AKAP5: variants seen among roughly 807,000 people sequenced by gnomAD.
AKAP5 encodes A-kinase anchor protein 5.
A neutral mutation model predicts 13.8 loss-of-function variants in AKAP5; 5 were observed. That is an observed-to-expected ratio of 0.36 (90% confidence interval 0.19 to 0.76). The LOEUF is 0.76. AKAP5 is among the 30% of genes least tolerant of loss of function. AKAP5 has a pLI of 0.51. For missense variants in AKAP5, 406 were observed against 484.4 expected, an observed-to-expected ratio of 0.84 and a Z score of 1.52; for synonymous variants, 148 against 167.2, an observed-to-expected ratio of 0.89 and a Z score of 0.89.
Position 64,471,246 on chromosome 14 carries a change from G to A in AKAP5, c.*1568G>A, listed in dbSNP as rs576130896. The A allele has an allele frequency of 6.5e-6, 1 of 153,638 alleles. No individual in the cohort carries two copies. The highest frequency in any genetic ancestry group is 2.1e-4 in the South Asian group (1 of 4,748). The allele number at this position is 153,638 out of a possible 1,614,324, so 9.5% of individuals were successfully genotyped here. ...TGGCTCACTGCAAGCTCCACCTCCT[G>A]GGTTCACACCATTCTTCTGCCTCAG... On this transcript the variant is annotated 3_prime_UTR_variant, in exon 2 of 2. Transcript: ENST00000394718.
At position 64,469,528 on chromosome 14, in the gene AKAP5, T is replaced by C; in HGVS notation, c.1134T>C (p.Asn378=). The C allele has an allele frequency of 6.2e-7, 1 of 1,613,926 alleles. No homozygotes were observed. Among genetic ancestry groups the C allele is most frequent in the Non-Finnish European group, 8.5e-7 (1 of 1,179,988 alleles). The change falls in exon 2 of 2, where the codon AAT becomes AAC. Residue 378 remains asparagine (N), a synonymous_variant. Coordinates refer to ENST00000394718, the MANE Select transcript of AKAP5 (RefSeq NM_004857.3). The part of the protein sequence containing the change: ...NEQVGVFAND[N]GFEDRTSEQY... ...AAGTAGGGGTTTTTGCTAATGATAA[T>C]GGTTTTGAGGATAGAACTTCAGAAC... is the stretch of plus-strand genomic sequence containing the variant.
chr14:64,468,658 C>T lies in AKAP5; in HGVS notation c.264C>T (p.Arg88=), dbSNP rs781706034. The change falls in exon 2 of 2, where the codon CGC becomes CGT. Residue 88 remains arginine (R), a synonymous_variant. Transcript: ENST00000394718. ...CCTCACTCAAACGTCTTGTAACACG[C>T]AGGAAAAGGTCAGAGTCTTCAAAGC... ...AWASLKRLVT[R]RKRSESSKQQ... 1.2e-6 allele frequency: 2 copies of T among 1,613,938 alleles called. No homozygotes were observed. Among genetic ancestry groups the T allele is most frequent in the Non-Finnish European group, 8.5e-7 (1 of 1,180,038 alleles).
rs1369026273 is a variant in AKAP5, at chr14:64,469,145, G to C, written c.751G>C (p.Glu251Gln). 6.2e-7 allele frequency: 1 copy of C among 1,614,140 alleles called. No homozygotes were observed. Among genetic ancestry groups the C allele is most frequent in the South Asian group, 1.1e-5 (1 of 91,078 alleles). The change falls in exon 2 of 2, where the codon GAA becomes CAA. Residue 251 changes from glutamate to glutamine, a missense_variant. By Grantham distance (29) the Glu-to-Gln change is conservative. Transcript: ENST00000394718. ...TCAACCCCAGCAAGCAAGCCCACTTGAAACTTCAGAAACAGACCATCAGCA... is the reference window on the plus strand; with the variant it reads ...TCAACCCCAGCAAGCAAGCCCACTTCAAACTTCAGAAACAGACCATCAGCA... ...DVQPQQASPL[E>Q]TSETDHQQPV...
At chr14:64,466,183 A>T (rs1365677844) in intron 1 of AKAP5, among the ~76,000 whole-genome samples, 1 of 152,214 alleles carries the variant, frequency 6.6e-6, no homozygotes, top group Non-Finnish European at 1.5e-5. Flanking sequence ...TCAGGAAATG[A>T]GCACAGGGAC....
At chr14:64,466,269 G>A (rs975281474) in intron 1 of AKAP5, among the ~76,000 whole-genome samples, 3 of 152,228 alleles carry the variant, frequency 2.0e-5, no homozygotes, top group African/African-American at 7.2e-5. Context: ...ATTCTGCAAA[G>A]TTTTATTGTC....
intron 1 of AKAP5, chr14:64,467,055 T>G (rs2141002202): frequency 6.6e-6 from 1 of 152,344 alleles, no homozygotes; most frequent in African/African-American, 2.4e-5. Context: ...CGTGGTTCAA[T>G]TATGAGTTGA....
At chr14:64,465,770 T>C (rs955192443) in intron 1 of AKAP5, among the ~76,000 whole-genome samples, 157 bp downstream of exon 1, 27 of 152,146 alleles carry the variant, frequency 1.8e-4, no homozygotes, top group Non-Finnish European at 3.8e-4. Context: ...GCTTGTCCGC[T>C]GGAATCCGCG....
At chr14:64,465,750 G>A (rs2078606336) in intron 1 of AKAP5, 137 bp downstream of exon 1, 2 of 152,204 alleles carry the variant, frequency 1.3e-5, no homozygotes, top group South Asian at 4.1e-4. Context: ...GAGTAAGAAC[G>A]CGGGAGGTCG....
At chr14:64,467,785 C>T (rs2078626492) in intron 1 of AKAP5, 1 of 152,102 alleles carries the variant, frequency 6.6e-6, no homozygotes, top group Admixed American at 6.6e-5. Context: ...AAGATTACAT[C>T]AGCTTGCTTT....
chr14:64,469,221 T>C lies in AKAP5; in HGVS notation c.827T>C (p.Ile276Thr), dbSNP rs373671857. The C allele has an allele frequency of 1.9e-6, 3 of 1,614,016 alleles. No individual in the cohort carries two copies. Among genetic ancestry groups the C allele is most frequent in the Non-Finnish European group, 2.5e-6 (3 of 1,180,010 alleles). ...PPLPAIPDQQIVEEASNSTLE... is the reference protein window; with the variant it reads ...PPLPAIPDQQTVEEASNSTLE... ...TTACCTGCAATTCCAGATCAACAAA[T>C]TGTGGAAGAAGCCAGTAACAGTACC... The change falls in exon 2 of 2, where the codon ATT (isoleucine) becomes ACT (threonine). Residue 276 changes from isoleucine (I) to threonine (T), a missense_variant. Transcript: ENST00000394718.
chr14:64,472,438 G>A lies in AKAP5; in HGVS notation c.*2760G>A, dbSNP rs2141006730. The A allele has an allele frequency of 6.0e-6, 1 of 167,098 alleles. No individual in the cohort carries two copies. The highest frequency in any genetic ancestry group is 2.1e-4 in the South Asian group (1 of 4,828). 10.4% of individuals were successfully genotyped at this position (167,098 alleles called of 1,614,324 possible). On this transcript the variant is annotated 3_prime_UTR_variant, in exon 2 of 2. Coordinates refer to ENST00000394718, the MANE Select transcript of AKAP5 (RefSeq NM_004857.3). ...CAGATAAATGGTAAATATGTGCAAT[G>A]AATTTTTTGGTTAAGAAAGTAAAAT...
At position 64,468,456 on chromosome 14, in the gene AKAP5, G is replaced by A; in HGVS notation, c.62G>A (p.Gly21Asp). 3 of 1,614,036 alleles carry A rather than the reference G, an allele frequency of 1.9e-6. No homozygotes were observed. The highest frequency in any genetic ancestry group is 8.5e-7 in the Non-Finnish European group (1 of 1,180,012). The part of the protein sequence containing the change: ...ENKDEKRSAE[G>D]SPGAERQKEK... ...AAGGATGAGAAGAGATCAGCAGAAG[G>A]TAGTCCTGGGGCTGAAAGGCAGAAG... is the stretch of plus-strand genomic sequence containing the variant. The change falls in exon 2 of 2, where the codon GGT becomes GAT. Residue 21 changes from glycine (G) to aspartate (D), a missense_variant. Coordinates refer to ENST00000394718, the MANE Select transcript of AKAP5 (RefSeq NM_004857.3).
In AKAP5 at chr14:64,468,430, C is replaced by G. The variant is rs61755983; in HGVS notation, c.36C>G (p.Asn12Lys). 8.4e-4 allele frequency: 1,345 copies of G among 1,605,940 alleles called. 7 individuals carry two copies. The highest frequency in any genetic ancestry group is 4.7e-3 in the Middle Eastern group (28 of 6,004). Residue 12 changes from asparagine to lysine, a missense_variant, in exon 2 of 2, where the codon AAC becomes AAG. Asn to Lys is a moderately conservative substitution (Grantham distance 94). Coordinates refer to ENST00000394718, the MANE Select transcript of AKAP5 (RefSeq NM_004857.3). ...CAATTTCAGAAATTCATGTAGAAAA[C>G]AAGGATGAGAAGAGATCAGCAGAAG... ...ETTISEIHVE[N>K]KDEKRSAEGS...
intron 1 of AKAP5, among the ~76,000 whole-genome samples, chr14:64,466,277 G>A (rs2078612698): frequency 6.6e-6 from 1 of 152,188 alleles, no homozygotes; most frequent in South Asian, 2.1e-4. Context: ...AAGTTTTATT[G>A]TCTACAGACT....
In AKAP5 at chr14:64,469,138, C is replaced by G. The variant is rs2078641184; in HGVS notation, c.744C>G (p.Ser248Arg). 6.2e-7 allele frequency: 1 copy of G among 1,613,986 alleles called. No individual in the cohort carries two copies. Residue 248 changes from serine to arginine, a missense_variant, in exon 2 of 2, where the codon AGC (serine) becomes AGG (arginine). By Grantham distance (110) the Ser-to-Arg change is moderately radical. Transcript: ENST00000394718. ...AAGATGTTCAACCCCAGCAAGCAAG[C>G]CCACTTGAAACTTCAGAAACAGACC... ...EKQDVQPQQA[S>R]PLETSETDHQ... is the part of the protein sequence containing the mutation.
In AKAP5 at chr14:64,468,751, A is replaced by G. The variant is rs767633665; in HGVS notation, c.357A>G (p.Lys119=). The change falls in exon 2 of 2, where the codon AAA becomes AAG. Residue 119 remains lysine, a synonymous_variant. Coordinates refer to ENST00000394718, the MANE Select transcript of AKAP5 (RefSeq NM_004857.3). ...CTGAGGATGCTGATCTTTCTAAGAAAAAGGCAAAATCTAGACTTAAGATTC... is the reference window on the plus strand; with the variant it reads ...CTGAGGATGCTGATCTTTCTAAGAAGAAGGCAAAATCTAGACTTAAGATTC... The part of the protein sequence containing the change: ...INAEDADLSK[K]KAKSRLKIPC... 1.2e-6 allele frequency: 2 copies of G among 1,614,236 alleles called. No homozygotes were observed. Among genetic ancestry groups the G allele is most frequent in the Non-Finnish European group, 1.7e-6 (2 of 1,180,046 alleles).
At position 64,468,936 on chromosome 14, in the gene AKAP5, A is replaced by T. The variant is rs1447871286; in HGVS notation, c.542A>T (p.Asp181Val). 2 of 1,614,088 alleles carry T rather than the reference A, an allele frequency of 1.2e-6. No individual in the cohort carries two copies. Among genetic ancestry groups the T allele is most frequent in the Non-Finnish European group, 1.7e-6 (2 of 1,180,026 alleles). The change falls in exon 2 of 2, where the codon GAT (aspartate) becomes GTT (valine). Residue 181 changes from aspartate to valine, a missense_variant. Physicochemically the swap from Asp to Val is radical, Grantham distance 152. Coordinates refer to ENST00000394718, the MANE Select transcript of AKAP5 (RefSeq NM_004857.3). Reference sequence around the variant, plus strand: ...GCAACAAAGGCTAAGTCAACCCAGGATCTAAGTGAAGGCATCTCACGGAAA... The same window carrying T: ...GCAACAAAGGCTAAGTCAACCCAGGTTCTAAGTGAAGGCATCTCACGGAAA... ...DQATKAKSTQ[D>V]LSEGISRKDG...
In AKAP5 at chr14:64,469,017, A is replaced by C; in HGVS notation, c.623A>C (p.Lys208Thr). The C allele has an allele frequency of 6.2e-7, 1 of 1,614,208 alleles. No homozygotes were observed. The highest frequency in any genetic ancestry group is 8.5e-7 in the Non-Finnish European group (1 of 1,180,032). ...NVSNSTTSGE[K>T]VISVELGLDN... ...AGCAATAGCACAACTTCTGGAGAGA[A>C]AGTGATTTCAGTAGAACTTGGATTA... Residue 208 changes from lysine (K) to threonine (T), a missense_variant, in exon 2 of 2, where the codon AAA (lysine) becomes ACA (threonine). Physicochemically the swap from Lys to Thr is moderately conservative, Grantham distance 78 (BLOSUM62 -1). Coordinates refer to ENST00000394718, the MANE Select transcript of AKAP5 (RefSeq NM_004857.3).
Position 64,469,326 on chromosome 14 carries a change from T to A in AKAP5, c.932T>A (p.Leu311Ter). The A allele has an allele frequency of 6.2e-7, 1 of 1,613,570 alleles. No homozygotes were observed. Among genetic ancestry groups the A allele is most frequent in the Non-Finnish European group, 8.5e-7 (1 of 1,179,924 alleles). Reference sequence around the variant, plus strand: ...GAAACTAAGCCAAAAGATACTGAATTGAGCCAAGAATCAGATTTTAAAGAA... The same window carrying A: ...GAAACTAAGCCAAAAGATACTGAATAGAGCCAAGAATCAGATTTTAAAGAA... ...AEETKPKDTE[L>*]SQESDFKENG... Residue 311 changes from leucine (L) to a stop codon, truncating the protein, a stop_gained, in exon 2 of 2, where the codon TTG becomes TAG. Coordinates refer to ENST00000394718, the MANE Select transcript of AKAP5 (RefSeq NM_004857.3). LOFTEE classifies it high-confidence loss of function.
Sources: gnomAD v4.1 joint callset for allele counts (sites outside exome capture counted in the v4.1 genomes callset) on GRCh38, gnomAD v4.1.1 for gene constraint, MANE v1.5 for transcripts, NCBI Gene and HGNC (gene_info 2026-07-23, HGNC 2026-07-21) for gene names.